Variants in IBTK observed in about 807,000 individuals in gnomAD.
IBTK encodes the protein inhibitor of Bruton tyrosine kinase, also known as BTK-binding protein.
A neutral mutation model predicts 154.9 loss-of-function variants in IBTK; 83 were observed. The ratio of observed to expected loss-of-function variants is 0.54; its 90% CI spans 0.45 to 0.64. The LOEUF (loss-of-function observed/expected upper bound fraction) is 0.64, where lower values mean the gene tolerates loss of function less well. Among genes scored for constraint, IBTK ranks in the 30% least tolerant of loss-of-function variants. IBTK has a pLI of 0.00. For missense variants in IBTK, 1,332 were observed against 1,584.6 expected (o/e 0.84, Z 2.71); for synonymous variants, 515 against 536.1 (o/e 0.96, Z 0.54).
At chr6:82,247,469 C>T (rs1771199261) in intron 1 of IBTK, 93 bp downstream of exon 1, 2 of 397,766 alleles carry the variant, frequency 5.0e-6, no homozygotes, top group Non-Finnish European at 8.9e-6. Context: ...TCCGCAGCCA[C>T]CCGCACCCTC....
At chr6:82,213,171 G>A (rs891258264) in intron 12 of IBTK, among the ~76,000 whole-genome samples, 2 of 152,078 alleles carry the variant, frequency 1.3e-5, no homozygotes, top group Non-Finnish European at 2.9e-5. Flanking sequence ...GGGACTACAG[G>A]CATTCACCAC....
chr6:82,232,045 CT>C (rs200662486), intron 3 of IBTK, among the ~76,000 whole-genome samples: 18 of 136,344 alleles, frequency 1.3e-4, no homozygotes, highest in Admixed American at 3.1e-4. Flanking sequence ...TTCCTTGCTT[CT>C]TTTTTTTTTG....
chr6:82,231,849 TA>T lies in IBTK; in HGVS notation c.419-8del. ...GTATAAACATCTGTAGGATCTAAAA[TA>T]AAAATTAGTTTTTATACTTTTTTAT... On this transcript the variant is annotated splice_region_variant and splice_polypyrimidine_tract_variant and intron_variant, in intron 3 of 28. Transcript: ENST00000306270. 1 of 1,514,964 alleles carries T rather than the reference TA, an allele frequency of 6.6e-7. No homozygotes were observed. The highest frequency in any genetic ancestry group is 8.9e-7 in the Non-Finnish European group (1 of 1,119,126). 93.8% of individuals were successfully genotyped at this position (1,514,964 alleles called of 1,614,324 possible).
At chr6:82,173,481 ATAT>A (rs1419550830) in intron 26 of IBTK, 43 bp from the exon 27 acceptor site, 9 of 1,519,656 alleles carry the variant, frequency 5.9e-6, no homozygotes, top group Non-Finnish European at 7.3e-6. Context: ...GCTTCTAGTA[ATAT>A]TAGTCAAACT....
At position 82,246,340 on chromosome 6, in the gene IBTK, G is replaced by A. The variant is rs568515386; in HGVS notation, c.-358+1222C>T. The stretch of plus-strand genomic sequence containing the variant: ...ATCACCATGCCTGGCTGATTTTTTT[G>A]TATTTTTGGTAGAGACGGGGTTTCA... On this transcript the variant is annotated intron_variant, in intron 1 of 28. Transcript: ENST00000306270. 4.9e-4 allele frequency among the ~76,000 whole-genome samples: 74 copies of A among 150,236 alleles called. 1 individual carries two copies. The highest frequency in any genetic ancestry group is 1.7e-3 in the African/African-American group (69 of 40,908).
chr6:82,219,321 C>T (rs1207391827), intron 9 of IBTK, among the ~76,000 whole-genome samples: 1 of 152,136 alleles, frequency 6.6e-6, no homozygotes. Flanking sequence ...CTTCATTCTC[C>T]ATCCCTACAA....
At chr6:82,245,608 A>C (rs897541370) in intron 1 of IBTK, among the ~76,000 whole-genome samples, 1 of 152,180 alleles carries the variant, frequency 6.6e-6, no homozygotes, top group East Asian at 1.9e-4. Context: ...GGGTGAGAGC[A>C]CATTTGAAGC....
At chr6:82,190,334 C>T (rs796468024) in intron 25 of IBTK, among the ~76,000 whole-genome samples, 98 of 146,052 alleles carry the variant, frequency 6.7e-4, no homozygotes, top group African/African-American at 2.4e-3. Flanking sequence ...CTGCCAAGAT[C>T]CTCCCCAGTC....
intron 26 of IBTK, among the ~76,000 whole-genome samples, chr6:82,175,747 T>C (rs999283917): frequency 1.3e-5 from 2 of 152,128 alleles, no homozygotes; most frequent in Admixed American, 6.6e-5. Flanking sequence ...ATTTTTGTTC[T>C]GGCCAGGTGC....
At position 82,191,176 on chromosome 6, in the gene IBTK, G is replaced by A. The variant is rs566033771; in HGVS notation, c.3472C>T (p.Arg1158Ter). 1.2e-5 allele frequency: 19 copies of A among 1,607,962 alleles called. No homozygotes were observed. The highest frequency in any genetic ancestry group is 3.4e-5 in the Admixed American group (2 of 58,646). The change falls in exon 25 of 29, where the codon CGA becomes TGA. Residue 1158 changes from arginine (R) to a stop codon, truncating the protein, a stop_gained. Transcript: ENST00000306270. LOFTEE classifies it high-confidence loss of function. Reference protein sequence around the residue: ...SHGVKLSQKQRKMIALTTKEN... With the variant: ...SHGVKLSQKQ ...TTGGTAGTCAATGCAATCATTTTTCGTTGCTTCTGAGAAAGTTTAACTCCA... is the reference window on the plus strand; with the variant it reads ...TTGGTAGTCAATGCAATCATTTTTCATTGCTTCTGAGAAAGTTTAACTCCA...
intron 26 of IBTK, among the ~76,000 whole-genome samples, chr6:82,176,526 A>C (rs1430836004): frequency 1.3e-5 from 2 of 151,246 alleles, no homozygotes; most frequent in East Asian, 1.9e-4. Context: ...CGTCTCAAAA[A>C]AAAAAAAAAA....
intron 2 of IBTK, among the ~76,000 whole-genome samples, chr6:82,239,439 C>A (rs1461808881): frequency 1.3e-5 from 2 of 151,986 alleles, no homozygotes; most frequent in Non-Finnish European, 2.9e-5. Flanking sequence ...AGCGAAACTC[C>A]ATCTCAAAAA....
chr6:82,180,694 G>A (rs746227557), intron 26 of IBTK, among the ~76,000 whole-genome samples: 1 of 152,116 alleles, frequency 6.6e-6, no homozygotes, highest in Non-Finnish European at 1.5e-5. Context: ...CTAAGTATCT[G>A]TAAAAAAGAA....
chr6:82,242,288 G>A (rs1226527686), intron 1 of IBTK, among the ~76,000 whole-genome samples: 1 of 151,754 alleles, frequency 6.6e-6, no homozygotes, highest in Non-Finnish European at 1.5e-5. Context: ...AGAATCGCTT[G>A]AACCCAGGAG....
rs112589850 is a variant in IBTK at position 82,184,250 on chromosome 6, A to G, written c.3576-2222T>C. Among the ~76,000 whole-genome samples, 365 of 152,346 alleles carry G rather than the reference A, an allele frequency of 2.4e-3. 2 individuals are homozygous for G. The highest frequency in any genetic ancestry group is 8.1e-3 in the African/African-American group (336 of 41,584). ...CAGCCACAGAAAATTTATGGAGAAG[A>G]ATTTTAGACATTTGTACCTGCATAA... On this transcript the variant is annotated intron_variant, in intron 25 of 28. Coordinates refer to ENST00000306270, the MANE Select transcript of IBTK (RefSeq NM_015525.4).
rs1179004293 is a variant in IBTK at position 82,223,482 on chromosome 6, A to AT, written c.1081dup (p.Ile361AsnfsTer15). 6.2e-7 allele frequency: 1 copy of AT among 1,613,988 alleles called. No individual in the cohort carries two copies. The stretch of plus-strand genomic sequence containing the variant: ...GCACTGATAGTCTGCAAGTAAGTAA[A>AT]TATCTCCCCTTGTGGTAACACAGAC... On this transcript the variant is annotated frameshift_variant, in exon 8 of 29. Coordinates refer to ENST00000306270, the MANE Select transcript of IBTK (RefSeq NM_015525.4). LOFTEE classifies it high-confidence loss of function.
Position 82,227,233 on chromosome 6 carries a change from G to A in IBTK, c.613C>T (p.Pro205Ser). 6.2e-7 allele frequency: 1 copy of A among 1,612,788 alleles called. No individual in the cohort carries two copies. The highest frequency in any genetic ancestry group is 8.5e-7 in the Non-Finnish European group (1 of 1,179,338). Residue 205 changes from proline (P) to serine (S), a missense_variant, in exon 5 of 29, where the codon CCT (proline) becomes TCT (serine). Pro to Ser is a moderately conservative substitution (Grantham distance 74, BLOSUM62 -1). This residue lies in a region of IBTK where 114 missense variants were observed against 213.7 expected (regional missense o/e 0.53). Transcript: ENST00000306270. ...TCTCCATGTCCTAATCGCCCTCCAG[G>A]ACCATGACCACAGGTATAAACCTGC... is the stretch of plus-strand genomic sequence containing the variant. ...KGQVYTCGHG[P>S]GGRLGHGDEQ...
At chr6:82,181,500 TA>T (rs1402551519) in intron 26 of IBTK, among the ~76,000 whole-genome samples, 1 of 152,088 alleles carries the variant, frequency 6.6e-6, no homozygotes, top group African/African-American at 2.4e-5. Context: ...TCTTTATTGG[TA>T]GATTAGTAGC....
chr6:82,191,511 CT>C, intron 24 of IBTK: 1 of 569,888 alleles, frequency 1.8e-6, no homozygotes, highest in South Asian at 2.1e-5. Context: ...AGCCTTAACT[CT>C]TTGGCTTTTG....
Sources: allele counts gnomAD v4.1 joint callset (sites outside exome capture counted in the v4.1 genomes callset), GRCh38; gene constraint gnomAD v4.1.1; regional missense constraint gnomAD v4.1.1; transcripts MANE v1.5; gene names NCBI Gene and HGNC (gene_info 2026-07-23, HGNC 2026-07-21).